FKBP1B: variants seen among roughly 807,000 people sequenced by gnomAD.
FKBP1B encodes FKBP prolyl isomerase 1B.
FKBP1B carries 4 observed loss-of-function variants against 13.5 expected under a neutral mutation model. The observed-to-expected ratio is 0.30, with a 90% CI of 0.15 to 0.68. The LOEUF (loss-of-function observed/expected upper bound fraction) is 0.68, where lower values mean the gene tolerates loss of function less well. Among genes scored for constraint, FKBP1B ranks in the 30% least tolerant of loss-of-function variants. The pLI, the probability that FKBP1B is intolerant of heterozygous loss-of-function variation, is 0.76. For synonymous variants in FKBP1B, 54 were observed against 53.6 expected (o/e 1.01, Z -0.03); for missense variants, 93 against 136.2 (o/e 0.68, Z 1.58).
At chr2:24,059,324 G>A (rs1664273307) in intron 2 of FKBP1B, among the ~76,000 whole-genome samples, 1 of 150,700 alleles carries the variant, frequency 6.6e-6, no homozygotes, top group African/African-American at 2.5e-5. Flanking sequence ...AGGATGACAA[G>A]GCTTCTGAAG....
chr2:24,057,392 T>TGTGA (rs1664179046), intron 2 of FKBP1B, among the ~76,000 whole-genome samples: 2 of 150,868 alleles, frequency 1.3e-5, no homozygotes, highest in Non-Finnish European at 3.0e-5. Context: ...TGTGTGTGTG[T>TGTGA]GATGGAGTTT....
the FKBP1B span, chr2:24,033,217 A>G: frequency 1.1e-5 from 6 of 545,388 alleles, no homozygotes; most frequent in Non-Finnish European, 1.1e-5. Context: ...TAATAACACT[A>G]AAAGGATGAT....
chr2:24,060,970 A>T, intron 3 of FKBP1B, 44 bp downstream of exon 3: 1 of 1,451,242 alleles, frequency 6.9e-7, no homozygotes, highest in South Asian at 1.2e-5. Context: ...GGAGTTGGGG[A>T]TCTGGGATCA....
intron 2 of FKBP1B, among the ~76,000 whole-genome samples, chr2:24,059,372 T>TAGGG (rs1553320912): frequency 1.4e-5 from 2 of 144,476 alleles, no homozygotes; most frequent in Non-Finnish European, 1.5e-5. Flanking sequence ...GACCAGCACC[T>TAGGG]GGGGGGGGGT....
At chr2:24,036,023 C>T in the FKBP1B span, among the ~76,000 whole-genome samples, 7 of 149,518 alleles carry the variant, frequency 4.7e-5, no homozygotes, top group African/African-American at 1.5e-4. Context: ...GAGCTGAGAT[C>T]GCGCCACTGC....
intron 2 of FKBP1B, among the ~76,000 whole-genome samples, chr2:24,060,592 T>C (rs1664344547): frequency 6.6e-6 from 1 of 151,548 alleles, no homozygotes; most frequent in African/African-American, 2.4e-5. Context: ...ATGAAGAAAA[T>C]AGGTGGATTC....
the FKBP1B span, among the ~76,000 whole-genome samples, chr2:24,043,769 T>C: frequency 6.6e-6 from 1 of 152,250 alleles, no homozygotes. Context: ...CTTGAGAAGT[T>C]GTCTTCAGAC....
chr2:24,037,171 C>T, the FKBP1B span, among the ~76,000 whole-genome samples: 1 of 152,226 alleles, frequency 6.6e-6, no homozygotes. Context: ...TACAGGCGCC[C>T]ATCACCATGC....
intron 1 of FKBP1B, among the ~76,000 whole-genome samples, chr2:24,051,006 C>A (rs1663842446): frequency 6.6e-6 from 1 of 152,214 alleles, no homozygotes; most frequent in Non-Finnish European, 1.5e-5. Flanking sequence ...CAATCTCGTC[C>A]CCAATCTCAT....
the FKBP1B span, among the ~76,000 whole-genome samples, chr2:24,033,418 A>G: frequency 6.6e-6 from 1 of 152,194 alleles, no homozygotes; most frequent in Non-Finnish European, 1.5e-5. Context: ...AAAAGCACAA[A>G]TAAAAATAAA....
Position 24,050,445 on chromosome 2 carries a change from T to C in FKBP1B, c.37+559T>C, listed in dbSNP as rs894359815. On this transcript the variant is annotated intron_variant, in intron 1 of 3. Coordinates refer to ENST00000380986, the MANE Select transcript of FKBP1B (RefSeq NM_004116.5). This position sits in a 1 kb window ranked among gnomAD's most constrained non-coding sequence, Gnocchi z 5.8. ...GGATCTCGCTTTATCCTGCCGCCGC[T>C]TTCAGACTCCCTGGCCACCCTGTCC... Among the ~76,000 whole-genome samples the C allele has an allele frequency of 6.6e-6, 1 of 152,106 alleles. No individual in the cohort carries two copies. Among genetic ancestry groups the C allele is most frequent in the African/African-American group, 2.4e-5 (1 of 41,434 alleles).
intron 2 of FKBP1B, among the ~76,000 whole-genome samples, chr2:24,056,564 T>G (rs538754495): frequency 1.5e-4 from 23 of 151,002 alleles, no homozygotes; most frequent in Admixed American, 4.0e-4. Context: ...GGCTGGTCAC[T>G]GTGGTTTTGA....
chr2:24,049,650 C>T (rs1228227349), upstream of FKBP1B: 2 of 386,716 alleles, frequency 5.2e-6, no homozygotes, highest in Non-Finnish European at 9.0e-6. Context: ...CCGGCCGACC[C>T]CACCTTTCCG....
At chr2:24,034,971 A>C in the FKBP1B span, among the ~76,000 whole-genome samples, 1 of 151,822 alleles carries the variant, frequency 6.6e-6, no homozygotes, top group South Asian at 2.1e-4. Context: ...TGCAAGTAAA[A>C]TAGCCTATTT....
the FKBP1B span, among the ~76,000 whole-genome samples, chr2:24,037,289 C>T: frequency 1.3e-5 from 2 of 152,210 alleles, no homozygotes; most frequent in Non-Finnish European, 2.9e-5. Context: ...TCCCAAAGTG[C>T]TAGGATTACA....
the FKBP1B span, among the ~76,000 whole-genome samples, chr2:24,036,157 A>C: frequency 6.6e-6 from 1 of 151,628 alleles, no homozygotes; most frequent in East Asian, 1.9e-4. Context: ...AAAAATTAAA[A>C]CTCTACTACT....
At chr2:24,034,199 TC>T in the FKBP1B span, among the ~76,000 whole-genome samples, 2 of 152,240 alleles carry the variant, frequency 1.3e-5, no homozygotes, top group South Asian at 4.2e-4. Flanking sequence ...GGCGGGTGGA[TC>T]ACTTGAGGTC....
the FKBP1B span, among the ~76,000 whole-genome samples, chr2:24,036,131 G>T: frequency 6.6e-6 from 1 of 150,742 alleles, no homozygotes; most frequent in Non-Finnish European, 1.5e-5. Context: ...TCACAGCAAA[G>T]CTGTGACTTA....
At chr2:24,053,744 T>C (rs979351331) in intron 1 of FKBP1B, among the ~76,000 whole-genome samples, 158 bp from the exon 2 acceptor site, 3 of 152,128 alleles carry the variant, frequency 2.0e-5, no homozygotes, top group Admixed American at 2.0e-4. Context: ...CGTGATTCAT[T>C]CTGGCTCGTA....
Sources: gnomAD v4.1 joint callset for allele counts (sites outside exome capture counted in the v4.1 genomes callset) on GRCh38, gnomAD v4.1.1 for gene constraint, Gnocchi (gnomAD v3.1) non-coding constraint, MANE v1.5 for transcripts, NCBI Gene and HGNC (gene_info 2026-07-23, HGNC 2026-07-21) for gene names.